FOLH1: variants seen among roughly 807,000 people sequenced by gnomAD.
The protein encoded by FOLH1 is glutamate carboxypeptidase 2.
In FOLH1, 54 loss-of-function variants were observed where a neutral mutation model predicts 93.9. The ratio of observed to expected loss-of-function variants is 0.57; its 90% CI spans 0.46 to 0.72. The LOEUF (loss-of-function observed/expected upper bound fraction) is 0.72. Ranked by LOEUF, FOLH1 falls within the 30% of genes least tolerant of loss-of-function variation. FOLH1 has a pLI of 0.00. For missense variants in FOLH1, 571 were observed against 892.5 expected (o/e 0.64, Z 4.59); for synonymous variants, 249 against 303.6 (o/e 0.82, Z 1.87).
At chr11:49,161,518 G>C (rs1857701227) in intron 13 of FOLH1, among the ~76,000 whole-genome samples, 1 of 152,100 alleles carries the variant, frequency 6.6e-6, no homozygotes, top group African/African-American at 2.4e-5. Context: ...ACTTATGTGT[G>C]TCATTGCATA....
At position 49,206,149 on chromosome 11, in the gene FOLH1, C is replaced by T; in HGVS notation, c.142G>A (p.Glu48Lys). 6.2e-7 allele frequency: 1 copy of T among 1,612,276 alleles called. No individual in the cohort carries two copies. Among genetic ancestry groups the T allele is most frequent in the Non-Finnish European group, 8.5e-7 (1 of 1,179,220 alleles). ...LFGWFIKSSN[E>K]ATNITPKHNM... ...TGCTTTGGAGTAATGTTAGTAGCTT[C>T]ATTGGAGGATTTTATAAACCACCCT... The change falls in exon 2 of 19, where the codon GAA becomes AAA. Residue 48 changes from glutamate (E) to lysine (K), a missense_variant. Physicochemically the swap from Glu to Lys is moderately conservative, Grantham distance 56. This residue lies in a region of FOLH1 where 71 missense variants were observed against 69.6 expected (regional missense o/e 1.02). Transcript: ENST00000256999.
At chr11:49,201,255 GATATAT>G (rs35326986) in intron 2 of FOLH1, among the ~76,000 whole-genome samples, 9 of 139,860 alleles carry the variant, frequency 6.4e-5, no homozygotes, top group African/African-American at 2.1e-4. Flanking sequence ...AGCATGAAAA[GATATAT>G]ATATATATAT....
chr11:49,177,015 A>G (rs34264109), intron 7 of FOLH1, among the ~76,000 whole-genome samples: 1 of 152,216 alleles, frequency 6.6e-6, no homozygotes, highest in Non-Finnish European at 1.5e-5. Context: ...ATGCTCTGTC[A>G]TGTCCTGTTT....
Position 49,173,381 on chromosome 11 carries a change from T to C in FOLH1, c.1201A>G (p.Ser401Gly), listed in dbSNP as rs771545439. The change falls in exon 10 of 19, where the codon AGC becomes GGC. Residue 401 changes from serine to glycine, a missense_variant. This residue lies in a region of FOLH1 where 500 missense variants were observed against 822.9 expected (regional missense o/e 0.61). Coordinates refer to ENST00000256999, the MANE Select transcript of FOLH1 (RefSeq NM_004476.3). ...CCTTCCTTTTTCAGTGTTCCAAAGC[T>C]CCTCACAATTTCATGAACAACAGCT... ...GAAVVHEIVR[S>G]FGTLKKEGWR... The C allele has an allele frequency of 1.2e-6, 2 of 1,611,322 alleles. No homozygotes were observed. The highest frequency in any genetic ancestry group is 2.7e-5 in the African/African-American group (2 of 74,878).
intron 7 of FOLH1, among the ~76,000 whole-genome samples, chr11:49,181,775 T>C (rs922116403): frequency 2.0e-5 from 3 of 152,096 alleles, no homozygotes; most frequent in Non-Finnish European, 4.4e-5. Context: ...GCAGTAAATC[T>C]TATAGCCCCA....
chr11:49,194,734 C>T (rs1862443097), intron 3 of FOLH1, among the ~76,000 whole-genome samples: 1 of 151,702 alleles, frequency 6.6e-6, no homozygotes, highest in Admixed American at 6.6e-5. Flanking sequence ...GTGACATAAA[C>T]CCGCTGAAAA....
rs1861326243 is a variant in FOLH1 at position 49,186,035 on chromosome 11, T to C, written c.640-180A>G. The C allele has an allele frequency of 3.3e-6, 3 of 919,902 alleles. No homozygotes were observed. The African/African-American group carries it at 5.2e-5, about 16-fold the overall frequency. The allele number at this position is 919,902 out of a possible 1,614,324, so 57.0% of individuals were successfully genotyped here. A position where few individuals can be genotyped will look rare whatever the true frequency, so the allele number is the denominator to read the frequency against. On this transcript the variant is annotated intron_variant, in intron 5 of 18. Transcript: ENST00000256999. ...CCCTTTTCTTTTTGCTACTATAAGCTCTAAAAATCCTCAGAACATCAGATT... is the reference window on the plus strand; with the variant it reads ...CCCTTTTCTTTTTGCTACTATAAGCCCTAAAAATCCTCAGAACATCAGATT...
chr11:49,159,085 G>C (rs1345238860), intron 13 of FOLH1, among the ~76,000 whole-genome samples: 1 of 152,154 alleles, frequency 6.6e-6, no homozygotes, highest in Non-Finnish European at 1.5e-5. Context: ...AACAGGGATA[G>C]TTTGACCTCC....
intron 4 of FOLH1, among the ~76,000 whole-genome samples, chr11:49,191,968 G>GT (rs1399128673): frequency 2.6e-5 from 4 of 152,176 alleles, no homozygotes; most frequent in African/African-American, 4.8e-5. Flanking sequence ...CGGCCAACCT[G>GT]TTTTTTTATA....
chr11:49,181,261 G>C (rs946847415), intron 7 of FOLH1, among the ~76,000 whole-genome samples: 2 of 151,596 alleles, frequency 1.3e-5, no homozygotes, highest in Admixed American at 6.6e-5. Context: ...GCATGCACCA[G>C]CATGCCCAGC....
chr11:49,182,361 A>C (rs12803336), intron 7 of FOLH1, among the ~76,000 whole-genome samples: 1 of 146,294 alleles, frequency 6.8e-6, no homozygotes, highest in Admixed American at 6.9e-5. Context: ...AGGACATGGC[A>C]ATGGGAGAAA....
chr11:49,196,751 C>T (rs988207378), intron 3 of FOLH1, among the ~76,000 whole-genome samples: 5 of 151,930 alleles, frequency 3.3e-5, no homozygotes, highest in African/African-American at 1.2e-4. Flanking sequence ...TTTAAGATAA[C>T]CAGAAAAAGA....
At chr11:49,181,222 C>T (rs186448166) in intron 7 of FOLH1, among the ~76,000 whole-genome samples, 1 of 151,720 alleles carries the variant, frequency 6.6e-6, no homozygotes, top group African/African-American at 2.4e-5. Context: ...ATTCTCCTGC[C>T]TCAGCCTCCT....
rs1231430472 is a variant in FOLH1, at chr11:49,200,278, T to C, written c.388A>G (p.Ile130Val). The change falls in exon 3 of 19, where the codon ATA (isoleucine) becomes GTA (valine). Residue 130 changes from isoleucine (I) to valine (V), a missense_variant. Ile to Val is a conservative substitution (Grantham distance 29). Around this residue, in one of 2 missense-constraint regions of FOLH1, gnomAD observed 500 missense variants for 822.9 expected, o/e 0.61. Transcript: ENST00000256999. ...PNKTHPNYIS[I>V]INEDGNEIFN... is the part of the protein sequence containing the mutation. ...ACCTCATTTCCATCTTCATTAATTATTGAGATGTAGTTGGGATGAGTCTTA... is the reference window on the plus strand; with the variant it reads ...ACCTCATTTCCATCTTCATTAATTACTGAGATGTAGTTGGGATGAGTCTTA... 6.3e-7 allele frequency: 1 copy of C among 1,581,480 alleles called. No homozygotes were observed. Among genetic ancestry groups the C allele is most frequent in the East Asian group, 2.3e-5 (1 of 43,840 alleles).
Position 49,154,209 on chromosome 11 carries a change from A to G in FOLH1, c.1888+19T>C, listed in dbSNP as rs370390473. 1 of 1,611,368 alleles carries G rather than the reference A, an allele frequency of 6.2e-7. No individual in the cohort carries two copies. The stretch of plus-strand genomic sequence containing the variant: ...AGAACCATACAGATGAGGAATTTGA[A>G]AAAGGAAGGGTAACATACCAAATGA... On this transcript the variant is annotated intron_variant, in intron 16 of 18. Transcript: ENST00000256999.
At position 49,208,393 on chromosome 11, in the gene FOLH1, TGAA is replaced by T. The variant is rs200069827; in HGVS notation, c.14_16del (p.Leu5del). 4.0e-3 allele frequency: 6,450 copies of T among 1,602,142 alleles called. 250 individuals carry two copies. In the African/African-American group the frequency reaches 0.078, roughly 19 times the overall value. Reference sequence around the variant, plus strand: ...GGTGGCCACAGCCGAGTCGGTTTCGTGAAGGAGATTCCACATCTCGGCGCGAGC... The same window carrying T: ...GGTGGCCACAGCCGAGTCGGTTTCGTGGAGATTCCACATCTCGGCGCGAGC... On this transcript the variant is annotated inframe_deletion, in exon 1 of 19. Coordinates refer to ENST00000256999, the MANE Select transcript of FOLH1 (RefSeq NM_004476.3).
At chr11:49,201,619 T>C (rs1863265573) in intron 2 of FOLH1, among the ~76,000 whole-genome samples, 1 of 152,170 alleles carries the variant, frequency 6.6e-6, no homozygotes, top group Admixed American at 6.5e-5. Flanking sequence ...ATTTCTAATA[T>C]GGAAAATATT....
At position 49,208,250 on chromosome 11, in the gene FOLH1, C is replaced by T. The variant is rs148407347; in HGVS notation, c.118+42G>A. 5.5e-5 allele frequency: 76 copies of T among 1,382,648 alleles called. No individual in the cohort carries two copies. In the Middle Eastern group the frequency reaches 9.5e-4, roughly 17 times the overall value. The allele number at this position is 1,382,648 out of a possible 1,614,324, so 85.6% of individuals were successfully genotyped here. A position where few individuals can be genotyped will look rare whatever the true frequency, so the allele number is the denominator to read the frequency against. ...CGCGAGTCCCAGCACCGCGGCACCA[C>T]GGGGAAGACTCCGAGGTTTGCTCCG... is the stretch of plus-strand genomic sequence containing the variant. On this transcript the variant is annotated intron_variant, in intron 1 of 18. Coordinates refer to ENST00000256999, the MANE Select transcript of FOLH1 (RefSeq NM_004476.3).
intron 4 of FOLH1, among the ~76,000 whole-genome samples, chr11:49,191,107 G>A (rs1428652016): frequency 6.6e-6 from 1 of 152,110 alleles, no homozygotes; most frequent in Non-Finnish European, 1.5e-5. Context: ...CACCTCCCGC[G>A]TTCACGCCAT....
Sources: allele counts gnomAD v4.1 joint callset (sites outside exome capture counted in the v4.1 genomes callset), GRCh38; gene constraint gnomAD v4.1.1; regional missense constraint gnomAD v4.1.1; transcripts MANE v1.5; gene names NCBI Gene and HGNC (gene_info 2026-07-23, HGNC 2026-07-21).